KIAA0040: variants seen among roughly 807,000 people sequenced by gnomAD.
KIAA0040 encodes the protein KIAA0040.
KIAA0040 carries 10 observed loss-of-function variants against 7.2 expected under a neutral mutation model. That is an observed-to-expected ratio of 1.38 (90% confidence interval 0.85 to 2.34). The LOEUF is 2.34. Ranked by LOEUF, KIAA0040 falls within the 30% of genes most tolerant of loss-of-function variation. The pLI is 0.00. For missense variants in KIAA0040, 89 were observed against 108.2 expected, an observed-to-expected ratio of 0.82 and a Z score of 0.79; for synonymous variants, 49 against 40.1, an observed-to-expected ratio of 1.22 and a Z score of -0.84.
chr1:175,176,669 C>CTTGTTTTTTTT (rs1677203967), intron 2 of KIAA0040, among the ~76,000 whole-genome samples: 1 of 27,440 alleles, frequency 3.6e-5, no homozygotes, highest in Non-Finnish European at 8.2e-5. Context: ...AAGTAGCATG[C>CTTGTTTTTTTT]TTTTTTTTTT....
intron 1 of KIAA0040, among the ~76,000 whole-genome samples, chr1:175,188,749 G>A (rs1471578685): frequency 6.6e-6 from 1 of 152,198 alleles, no homozygotes; most frequent in Non-Finnish European, 1.5e-5. Flanking sequence ...CAGAAGAGAC[G>A]AGGGTGGTAT....
chr1:175,174,367 G>T (rs1389103821), intron 2 of KIAA0040, among the ~76,000 whole-genome samples: 1 of 152,186 alleles, frequency 6.6e-6, no homozygotes, highest in East Asian at 1.9e-4. Context: ...AATACAAACA[G>T]CTGGCCCAAG....
At chr1:175,169,813 G>T (rs1240530078) in intron 2 of KIAA0040, among the ~76,000 whole-genome samples, 2 of 152,162 alleles carry the variant, frequency 1.3e-5, no homozygotes, top group African/African-American at 4.8e-5. Context: ...TCCCAAGATT[G>T]TGTGGAGTAG....
chr1:175,181,903 G>A (rs1006393049), intron 1 of KIAA0040, among the ~76,000 whole-genome samples: 10 of 152,188 alleles, frequency 6.6e-5, no homozygotes, highest in Non-Finnish European at 1.2e-4. Flanking sequence ...CTCCAACTCA[G>A]CTCTAGAGGC....
In KIAA0040 at chr1:175,189,358, C is replaced by T. The variant is rs138525844; in HGVS notation, c.-384+3282G>A. 4.8e-3 allele frequency among the ~76,000 whole-genome samples: 729 copies of T among 152,282 alleles called. 8 individuals carry two copies. The highest frequency in any genetic ancestry group is 0.017 in the African/African-American group (692 of 41,550). The stretch of plus-strand genomic sequence containing the variant: ...TGGTGAGAATTAGAAAAAAGCATCC[C>T]CTCCATGTGGACTCAGCTGCAAGTG... On this transcript the variant is annotated intron_variant, in intron 1 of 3. Coordinates refer to ENST00000423313, the MANE Select transcript of KIAA0040 (RefSeq NM_014656.3).
rs1374749029 is a variant in KIAA0040, at chr1:175,160,982, A to C, written c.32T>G (p.Ile11Ser). 1.4e-5 allele frequency: 22 copies of C among 1,551,254 alleles called. No homozygotes were observed. The Admixed American group carries it at 3.5e-4, about 25-fold the overall frequency. The change falls in exon 4 of 4, where the codon ATC becomes AGC. Residue 11 changes from isoleucine (I) to serine (S), a missense_variant. Transcript: ENST00000423313. MERISAFFSS[I>S]WDTILTKHQE... ...GTGTTTGGTCAAGATGGTGTCCCAGATAGAGCTGAAGAAGGCACTGATTCT... is the reference window on the plus strand; with the variant it reads ...GTGTTTGGTCAAGATGGTGTCCCAGCTAGAGCTGAAGAAGGCACTGATTCT...
At chr1:175,172,738 T>A (rs923853810) in intron 2 of KIAA0040, among the ~76,000 whole-genome samples, 2 of 152,224 alleles carry the variant, frequency 1.3e-5, no homozygotes, top group African/African-American at 2.4e-5. Flanking sequence ...CATTTTACTC[T>A]CAGTATCTGG....
chr1:175,170,510 C>T (rs1452041411), intron 2 of KIAA0040, among the ~76,000 whole-genome samples: 2 of 152,140 alleles, frequency 1.3e-5, no homozygotes, highest in African/African-American at 4.8e-5. Flanking sequence ...TTACCCCAGC[C>T]TCACCTTCCT....
rs139281619 is a variant in KIAA0040, at chr1:175,187,679, C to T, written c.-384+4961G>A. 1.1e-3 allele frequency among the ~76,000 whole-genome samples: 163 copies of T among 152,278 alleles called. 1 individual carries two copies. Among genetic ancestry groups the T allele is most frequent in the African/African-American group, 3.8e-3 (159 of 41,556 alleles). On this transcript the variant is annotated intron_variant, in intron 1 of 3. Transcript: ENST00000423313. ...ACTATTCTGTTCCCATAACACTAAG[C>T]TCATGGGTCTTCCCTGTTCCCACGG...
intron 2 of KIAA0040, among the ~76,000 whole-genome samples, chr1:175,168,301 T>C (rs751453769): frequency 6.6e-6 from 1 of 152,222 alleles, no homozygotes; most frequent in Non-Finnish European, 1.5e-5. Flanking sequence ...GACCCAGCTC[T>C]AGGCATTCTG....
At chr1:175,169,941 C>T (rs562968408) in intron 2 of KIAA0040, among the ~76,000 whole-genome samples, 2 of 152,256 alleles carry the variant, frequency 1.3e-5, no homozygotes, top group South Asian at 2.1e-4. Flanking sequence ...GTGTCAGTTC[C>T]GGTCCTGGCA....
chr1:175,163,826 G>A (rs573749083), intron 3 of KIAA0040, among the ~76,000 whole-genome samples: 9 of 152,320 alleles, frequency 5.9e-5, no homozygotes, highest in African/African-American at 1.9e-4. Context: ...CCTACAGGGA[G>A]CAGATGGGTA....
At chr1:175,182,620 C>T (rs1189625791) in intron 1 of KIAA0040, among the ~76,000 whole-genome samples, 1 of 152,246 alleles carries the variant, frequency 6.6e-6, no homozygotes, top group African/African-American at 2.4e-5. Context: ...TCTACGCTCT[C>T]ACCCAGCTTG....
rs568006577 is a variant in KIAA0040, at chr1:175,175,577, G to A, written c.-310+2034C>T. On this transcript the variant is annotated intron_variant, in intron 2 of 3. Transcript: ENST00000423313. ...TGCTGCTATAAAGACACATGCACATGTATGTTCATTGTGGCACTATTCACA... is the reference window on the plus strand; with the variant it reads ...TGCTGCTATAAAGACACATGCACATATATGTTCATTGTGGCACTATTCACA... Among the ~76,000 whole-genome samples, 51 of 151,946 alleles carry A rather than the reference G, an allele frequency of 3.4e-4. 1 individual carries two copies. Among genetic ancestry groups the A allele is most frequent in the Admixed American group, 1.2e-3 (18 of 15,268 alleles).
At position 175,160,870 on chromosome 1, in the gene KIAA0040, G is replaced by A. The variant is rs1676511525; in HGVS notation, c.144C>T (p.Cys48=). 3 of 1,551,528 alleles carry A rather than the reference G, an allele frequency of 1.9e-6. No individual in the cohort carries two copies. The East Asian group carries it at 7.3e-5, about 38-fold the overall frequency. The change falls in exon 4 of 4, where the codon TGC becomes TGT. Residue 48 remains cysteine, a synonymous_variant. Coordinates refer to ENST00000423313, the MANE Select transcript of KIAA0040 (RefSeq NM_014656.3). ...TGCCTGGTGGGCTCCAGCAGCAATG[G>A]CAACAGATGAAGAGGAGTGTGATGA... is the stretch of plus-strand genomic sequence containing the variant. ...LVIITLLFIC[C]HCCWSPPGKR...
chr1:175,185,536 G>C (rs1403245533), intron 1 of KIAA0040, among the ~76,000 whole-genome samples: 1 of 152,146 alleles, frequency 6.6e-6, no homozygotes, highest in Non-Finnish European at 1.5e-5. Flanking sequence ...TAAGAGACCA[G>C]ACAGGAAAAG....
chr1:175,165,232 G>A (rs567149293), intron 3 of KIAA0040, among the ~76,000 whole-genome samples: 17 of 152,270 alleles, frequency 1.1e-4, no homozygotes, highest in Admixed American at 6.5e-4. Context: ...GAGCCAGAAG[G>A]CCTGGTTTTG....
chr1:175,185,144 T>C (rs1220618130), intron 1 of KIAA0040, among the ~76,000 whole-genome samples: 1 of 152,186 alleles, frequency 6.6e-6, no homozygotes, highest in Non-Finnish European at 1.5e-5. Flanking sequence ...GGATTTTAAA[T>C]TAGGGATGCT....
chr1:175,160,795 CTTCTTCTTCTTCTTCTTCTTCTTG>C lies in KIAA0040; in HGVS notation c.195_218del (p.Asn65_Lys72del). ...TCCAGAGGTCTTCTTCATCCTTCTT[CTTCTTCTTCTTCTTCTTCTTCTTG>C]TTCTTCTCTGGCTGCTGGCCCCTCT... is the stretch of plus-strand genomic sequence containing the variant. On this transcript the variant is annotated inframe_deletion, in exon 4 of 4. Coordinates refer to ENST00000423313, the MANE Select transcript of KIAA0040 (RefSeq NM_014656.3). 1.3e-6 allele frequency: 1 copy of C among 770,156 alleles called. No homozygotes were observed. The highest frequency in any genetic ancestry group is 1.9e-6 in the Non-Finnish European group (1 of 535,312). 47.7% of individuals were successfully genotyped at this position (770,156 alleles called of 1,614,324 possible).
Sources: gnomAD v4.1 joint callset for allele counts (sites outside exome capture counted in the v4.1 genomes callset) on GRCh38, gnomAD v4.1.1 for gene constraint, MANE v1.5 for transcripts, NCBI Gene and HGNC (gene_info 2026-07-23, HGNC 2026-07-21) for gene names.